The following DACH2 variants were observed in gnomAD, a reference collection of about 807,000 sequenced individuals.
DACH2 encodes the protein dachshund family transcription factor 2.
In DACH2, 17 loss-of-function variants were observed where a neutral mutation model predicts 35.8. The ratio of observed to expected loss-of-function variants is 0.48; its 90% CI spans 0.33 to 0.71. The LOEUF is 0.71. Among genes scored for constraint, DACH2 ranks in the 30% least tolerant of loss-of-function variants. DACH2 has a pLI of 0.02. For synonymous variants in DACH2, 195 were observed against 177.3 expected, an observed-to-expected ratio of 1.10 and a Z score of -0.79; for missense variants, 469 against 472.7, an observed-to-expected ratio of 0.99 and a Z score of 0.07.
intron 2 of DACH2, among the ~76,000 whole-genome samples, chrX:86,471,873 G>T (rs759851373): frequency 9.9e-5 from 11 of 111,444 alleles, no homozygotes; most frequent in Non-Finnish European, 2.1e-4. Flanking sequence ...TAAGGGAGTA[G>T]ATTTTAAGTG....
At chrX:86,343,440 G>T in intron 1 of DACH2, among the ~76,000 whole-genome samples, 1 of 111,650 alleles carries the variant, frequency 9.0e-6, no homozygotes, top group Middle Eastern at 4.6e-3. Context: ...ATACCAATTT[G>T]CATCATCTGC....
At chrX:86,753,258 A>G (rs2041793679) in intron 7 of DACH2, among the ~76,000 whole-genome samples, 1 of 112,131 alleles carries the variant, frequency 8.9e-6, no homozygotes, top group Non-Finnish European at 1.9e-5. Context: ...AGGTGCAAAT[A>G]TAAATTTCTC....
intron 1 of DACH2, among the ~76,000 whole-genome samples, chrX:86,254,807 T>TATATATATAGAAAG (rs1380613474): frequency 2.0e-5 from 1 of 49,660 alleles, no homozygotes; most frequent in African/African-American, 1.2e-4. Flanking sequence ...TATATATATA[T>TATATATATAGAAAG]AGAGAGAGAG....
chrX:86,751,528 T>A (rs1248250278), intron 7 of DACH2, among the ~76,000 whole-genome samples: 1 of 111,063 alleles, frequency 9.0e-6, no homozygotes, highest in East Asian at 2.8e-4. Context: ...CTCCAAATAA[T>A]AAGAGCCACC....
At chrX:86,494,700 T>G (rs1602580649) in intron 2 of DACH2, among the ~76,000 whole-genome samples, 1 of 112,640 alleles carries the variant, frequency 8.9e-6, no homozygotes, top group Non-Finnish European at 1.9e-5. Flanking sequence ...AGTCAACAAG[T>G]GGTACCTTAA....
At chrX:86,314,674 G>T (rs1209549654) in intron 1 of DACH2, among the ~76,000 whole-genome samples, 1 of 112,233 alleles carries the variant, frequency 8.9e-6, no homozygotes, top group African/African-American at 3.2e-5. Context: ...ATCAGTGAAC[G>T]TATAGATGAT....
At chrX:86,812,734 A>G in intron 7 of DACH2, 122 bp from the exon 8 acceptor site, 1 of 411,160 alleles carries the variant, frequency 2.4e-6, no homozygotes, top group Non-Finnish European at 4.0e-6. Flanking sequence ...ACTTCTAATT[A>G]TGAGAATGTC....
At chrX:86,290,191 C>T (rs1307941646) in intron 1 of DACH2, among the ~76,000 whole-genome samples, 32 of 79,150 alleles carry the variant, frequency 4.0e-4, no homozygotes, top group African/African-American at 1.7e-3. Context: ...AGCATTTTTT[C>T]ATGTGTTTTT....
chrX:86,551,408 T>C (rs1484315083), intron 3 of DACH2, among the ~76,000 whole-genome samples: 1 of 111,992 alleles, frequency 8.9e-6, no homozygotes, highest in Non-Finnish European at 1.9e-5. Flanking sequence ...TTTTGTCCCA[T>C]GGTCTTGACT....
intron 2 of DACH2, among the ~76,000 whole-genome samples, chrX:86,407,827 T>C (rs923425106): frequency 5.3e-5 from 6 of 112,442 alleles, no homozygotes; most frequent in Admixed American, 9.5e-5. Context: ...AACTGAGCAT[T>C]TGAAAATAAT....
intron 3 of DACH2, among the ~76,000 whole-genome samples, chrX:86,576,454 A>C (rs770106406): frequency 3.6e-5 from 4 of 111,958 alleles, no homozygotes; most frequent in African/African-American, 1.3e-4. Context: ...TCAACATGAA[A>C]TATGCACAAC....
At chrX:86,399,542 G>C (rs1174876004) in intron 2 of DACH2, among the ~76,000 whole-genome samples, 5 of 111,743 alleles carry the variant, frequency 4.5e-5, no homozygotes, top group African/African-American at 1.6e-4. Flanking sequence ...TCCATGTTTA[G>C]TGCTTCCTTC....
At position 86,159,126 on chromosome X, in the gene DACH2, T is replaced by TA. The variant is rs1291175769; in HGVS notation, c.488+10018_488+10019insA. Among the ~76,000 whole-genome samples the TA allele has an allele frequency of 8.9e-4, 99 of 110,730 alleles. 1 individual carries two copies. The highest frequency in any genetic ancestry group is 3.1e-3 in the African/African-American group (93 of 30,086). On this transcript the variant is annotated intron_variant, in intron 1 of 11. Transcript: ENST00000373125. ...TTATAAAACATGCAACTGTGGATTTTTAAAAAAATTATGTTAAAAAGCTTG... is the reference window on the plus strand; with the variant it reads ...TTATAAAACATGCAACTGTGGATTTTATAAAAAAATTATGTTAAAAAGCTTG...
intron 3 of DACH2, among the ~76,000 whole-genome samples, chrX:86,620,275 AG>A (rs2040054202): frequency 1.8e-5 from 2 of 111,929 alleles, no homozygotes; most frequent in Admixed American, 9.5e-5. Context: ...ACATAGAAAA[AG>A]GCCGTGAACT....
intron 2 of DACH2, among the ~76,000 whole-genome samples, chrX:86,431,447 A>G (rs2036983590): frequency 8.9e-6 from 1 of 111,990 alleles, no homozygotes; most frequent in Non-Finnish European, 1.9e-5. Context: ...TGTAGTCAGC[A>G]GTTATAGAGA....
intron 1 of DACH2, among the ~76,000 whole-genome samples, chrX:86,303,904 C>G (rs775213369): frequency 3.6e-4 from 40 of 111,154 alleles, no homozygotes; most frequent in African/African-American, 1.3e-3. Flanking sequence ...TCGTATGGAA[C>G]CACAAAAGAC....
intron 2 of DACH2, among the ~76,000 whole-genome samples, chrX:86,505,901 A>T (rs74584809): frequency 8.9e-6 from 1 of 112,068 alleles, no homozygotes; most frequent in Non-Finnish European, 1.9e-5. Context: ...TAATGATCAA[A>T]TTCATAGATT....
intron 5 of DACH2, among the ~76,000 whole-genome samples, chrX:86,710,276 T>C (rs1255695675): frequency 8.9e-6 from 1 of 111,899 alleles, no homozygotes; most frequent in East Asian, 2.8e-4. Context: ...AAAGGCTAAA[T>C]AGTGTGTGAT....
chrX:86,336,144 G>A (rs776635846), intron 1 of DACH2, among the ~76,000 whole-genome samples: 10 of 111,699 alleles, frequency 9.0e-5, no homozygotes, highest in African/African-American at 2.3e-4. Flanking sequence ...TGTTGGATTC[G>A]GTCTGCCAGT....
Sources: allele counts gnomAD v4.1 joint callset (sites outside exome capture counted in the v4.1 genomes callset), GRCh38; gene constraint gnomAD v4.1.1; transcripts MANE v1.5; gene names NCBI Gene and HGNC (gene_info 2026-07-23, HGNC 2026-07-21).